DIPK1A: variants seen among roughly 807,000 people sequenced by gnomAD.
DIPK1A encodes divergent protein kinase domain 1A, also known as family with sequence similarity 69 member A.
DIPK1A carries 27 observed loss-of-function variants against 40.8 expected under a neutral mutation model. That is an observed-to-expected ratio of 0.66 (90% CI 0.49 to 0.91). The LOEUF is 0.91. DIPK1A is among the 40% of genes least tolerant of loss of function. DIPK1A has a pLI of 0.00. For synonymous variants in DIPK1A, 166 were observed against 171.3 expected, an observed-to-expected ratio of 0.97 and a Z score of 0.24; for missense variants, 412 against 505.7, an observed-to-expected ratio of 0.81 and a Z score of 1.78.
At chr1:92,957,418 C>G (rs557102527) in intron 1 of DIPK1A, among the ~76,000 whole-genome samples, 18 of 152,286 alleles carry the variant, frequency 1.2e-4, no homozygotes, top group African/African-American at 3.6e-4. Context: ...GTGTTATTTC[C>G]CAAGTAATGT....
At chr1:92,952,143 C>T (rs180898826) in intron 1 of DIPK1A, among the ~76,000 whole-genome samples, 7 of 151,504 alleles carry the variant, frequency 4.6e-5, no homozygotes, top group Non-Finnish European at 7.4e-5. Flanking sequence ...TGATATCTAA[C>T]GGGTAGAGCC....
chr1:92,899,988 G>T (rs1649340623), intron 1 of DIPK1A, among the ~76,000 whole-genome samples: 1 of 151,964 alleles, frequency 6.6e-6, no homozygotes, highest in Admixed American at 6.6e-5. Context: ...AGAGAAATCT[G>T]CTGTTAGTCT....
intron 1 of DIPK1A, among the ~76,000 whole-genome samples, chr1:92,916,143 A>G (rs1650045296): frequency 6.6e-6 from 1 of 152,148 alleles, no homozygotes; most frequent in Non-Finnish European, 1.5e-5. Context: ...GCTAATGGGT[A>G]TTTTAATAAT....
At chr1:92,842,050 A>AAGTT (rs1687387274), downstream of DIPK1A, 3 of 801,458 alleles carry the variant, frequency 3.7e-6, no homozygotes. Flanking sequence ...TTAAGAAAAA[A>AAGTT]AGTTGTTATT....
intron 1 of DIPK1A, among the ~76,000 whole-genome samples, chr1:92,917,216 T>C (rs977976765): frequency 2.0e-5 from 3 of 152,252 alleles, no homozygotes; most frequent in Non-Finnish European, 4.4e-5. Context: ...CTTTTCAGCA[T>C]CTAGACAAGG....
rs115721562 is a variant in DIPK1A at position 92,847,222 on chromosome 1, A to C, written c.435T>G (p.Thr145=). ...AGACCATTTCTTTAAATTTTTGTACAGTAGTTCCTCTAGTTGGCTTATCAA... is the reference window on the plus strand; with the variant it reads ...AGACCATTTCTTTAAATTTTTGTACCGTAGTTCCTCTAGTTGGCTTATCAA... ...VLFDKPTRGT[T]VQKFKEMVYS... is the part of the protein sequence containing the mutation. The change falls in exon 4 of 5, where the codon ACT becomes ACG. Residue 145 remains threonine, a synonymous_variant. Coordinates refer to ENST00000370310, the MANE Select transcript of DIPK1A (RefSeq NM_001006605.5). 8.7e-4 allele frequency: 1,394 copies of C among 1,598,164 alleles called. 7 individuals carry two copies. In the African/African-American group the frequency reaches 0.017, roughly 19 times the overall value.
At chr1:92,913,399 GTCTAT>G (rs1232453670) in intron 1 of DIPK1A, among the ~76,000 whole-genome samples, 1 of 151,908 alleles carries the variant, frequency 6.6e-6, no homozygotes, top group East Asian at 1.9e-4. Flanking sequence ...GAAAATACTG[GTCTAT>G]TCATTTGTGT....
intron 1 of DIPK1A, 118 bp from the exon 2 acceptor site, chr1:92,876,548 A>G (rs1245564239): frequency 1.9e-6 from 2 of 1,076,854 alleles, no homozygotes; most frequent in Non-Finnish European, 1.3e-6. Context: ...AGGCTTTTAT[A>G]TGGCAATTCT....
At chr1:92,844,934 G>A (rs952485856) in intron 4 of DIPK1A, among the ~76,000 whole-genome samples, 1 of 137,964 alleles carries the variant, frequency 7.2e-6, no homozygotes, top group Non-Finnish European at 1.5e-5. Context: ...CTATATATTA[G>A]TATTTCTTTT....
chr1:92,901,298 GGAGCAGGTGTTCA>G (rs1375991156), intron 1 of DIPK1A, among the ~76,000 whole-genome samples: 1 of 151,940 alleles, frequency 6.6e-6, no homozygotes, highest in African/African-American at 2.4e-5. Context: ...CTGGGTTCTG[GGAGCAGGTGTTCA>G]GAGCAGCTGT....
chr1:92,957,589 G>C (rs775593526), intron 1 of DIPK1A, among the ~76,000 whole-genome samples: 2 of 152,210 alleles, frequency 1.3e-5, no homozygotes, highest in Non-Finnish European at 2.9e-5. Flanking sequence ...CAGACTAACA[G>C]TGTGCCTGCC....
intron 2 of DIPK1A, among the ~76,000 whole-genome samples, chr1:92,856,922 T>C (rs1036437643): frequency 8.5e-5 from 13 of 152,104 alleles, no homozygotes; most frequent in African/African-American, 2.7e-4. Context: ...AACAGGAGAA[T>C]GGTTGAATAA....
intron 1 of DIPK1A, among the ~76,000 whole-genome samples, chr1:92,912,341 C>T (rs7521502): frequency 1.3e-4 from 19 of 151,998 alleles, no homozygotes; most frequent in Non-Finnish European, 2.4e-4. Context: ...GGTTTGTGGG[C>T]GTTAGTTTTT....
intron 3 of DIPK1A, among the ~76,000 whole-genome samples, chr1:92,850,113 G>T (rs1687765331): frequency 1.3e-5 from 2 of 152,020 alleles, no homozygotes; most frequent in Non-Finnish European, 2.9e-5. Flanking sequence ...TAGAACCACA[G>T]GTGTGTGCCA....
chr1:92,900,839 C>G (rs1175034790), intron 1 of DIPK1A, among the ~76,000 whole-genome samples: 4 of 152,026 alleles, frequency 2.6e-5, no homozygotes, highest in African/African-American at 9.7e-5. Context: ...CTTGGTAAAA[C>G]TGGCTTTCCT....
chr1:92,907,449 A>G (rs1043940250), intron 1 of DIPK1A, among the ~76,000 whole-genome samples: 1 of 152,078 alleles, frequency 6.6e-6, no homozygotes, highest in Non-Finnish European at 1.5e-5. Context: ...AATTAAAAAA[A>G]GTTTTTTAGA....
chr1:92,947,962 G>A (rs1557497106), intron 1 of DIPK1A, among the ~76,000 whole-genome samples: 1 of 152,144 alleles, frequency 6.6e-6, no homozygotes, highest in Non-Finnish European at 1.5e-5. Flanking sequence ...CTAGATAGGA[G>A]GAATAAGTTC....
At chr1:92,902,075 AG>A (rs1277255744) in intron 1 of DIPK1A, among the ~76,000 whole-genome samples, 2 of 152,098 alleles carry the variant, frequency 1.3e-5, no homozygotes, top group African/African-American at 4.8e-5. Flanking sequence ...TGTTCTTGGA[AG>A]CCCAGGCACC....
intron 2 of DIPK1A, among the ~76,000 whole-genome samples, chr1:92,851,688 G>T (rs1301709395): frequency 6.6e-6 from 1 of 151,782 alleles, no homozygotes; most frequent in Non-Finnish European, 1.5e-5. Context: ...GAAAAAATAT[G>T]GTACCAATGA....
Sources: allele counts gnomAD v4.1 joint callset (sites outside exome capture counted in the v4.1 genomes callset), GRCh38; gene constraint gnomAD v4.1.1; transcripts MANE v1.5; gene names NCBI Gene and HGNC (gene_info 2026-07-23, HGNC 2026-07-21).